The following SLC7A14 variants were observed in gnomAD, a reference collection of about 807,000 sequenced individuals.
SLC7A14 encodes the protein solute carrier family 7 member 14.
A neutral mutation model predicts 60.2 loss-of-function variants in SLC7A14; 37 were observed. The ratio of observed to expected loss-of-function variants is 0.61; its 90% CI spans 0.47 to 0.81. The LOEUF is 0.81. Among genes scored for constraint, SLC7A14 ranks in the 30% least tolerant of loss-of-function variants. The pLI is 0.00. For synonymous variants in SLC7A14, 399 were observed against 395.8 expected (o/e 1.01, Z -0.10); for missense variants, 886 against 982.7 (o/e 0.90, Z 1.32).
intron 1 of SLC7A14, among the ~76,000 whole-genome samples, chr3:170,577,180 C>T (rs79917206): frequency 6.6e-6 from 1 of 152,308 alleles, no homozygotes; most frequent in Non-Finnish European, 1.5e-5. Context: ...AGATCTATTA[C>T]CCCTATTTTA....
chr3:170,494,090 A>C (rs1449452443), intron 4 of SLC7A14, among the ~76,000 whole-genome samples: 1 of 152,226 alleles, frequency 6.6e-6, no homozygotes, highest in Admixed American at 6.5e-5. Context: ...TCCCAAACCC[A>C]GGTGGCAGTG....
chr3:170,554,125 G>GA (rs904616138), intron 1 of SLC7A14, among the ~76,000 whole-genome samples: 22 of 149,756 alleles, frequency 1.5e-4, no homozygotes, highest in East Asian at 7.8e-4. Flanking sequence ...AGCTAAAAAA[G>GA]AAAAAAAAAT....
intron 1 of SLC7A14, among the ~76,000 whole-genome samples, chr3:170,557,876 T>C (rs927249572): frequency 6.6e-6 from 1 of 152,156 alleles, no homozygotes; most frequent in Non-Finnish European, 1.5e-5. Context: ...CACTGAATAG[T>C]TTAGTGATCT....
At chr3:170,512,616 G>A (rs186322683) in intron 2 of SLC7A14, among the ~76,000 whole-genome samples, 17 of 148,560 alleles carry the variant, frequency 1.1e-4, no homozygotes, top group South Asian at 6.4e-4. Flanking sequence ...AACTCTAGGC[G>A]GATTCAGCCT....
intron 7 of SLC7A14, among the ~76,000 whole-genome samples, chr3:170,477,472 CA>C: frequency 6.6e-6 from 1 of 152,360 alleles, no homozygotes; most frequent in Middle Eastern, 3.4e-3. Context: ...TCAGTTTCCT[CA>C]TCTGTAAAAT....
chr3:170,509,438 T>C (rs770198424), intron 2 of SLC7A14, among the ~76,000 whole-genome samples: 3 of 152,120 alleles, frequency 2.0e-5, no homozygotes, highest in Non-Finnish European at 4.4e-5. Context: ...TATAAACAGG[T>C]AGGAAATAAG....
chr3:170,556,102 G>T (rs1386887623), intron 1 of SLC7A14, among the ~76,000 whole-genome samples: 1 of 151,250 alleles, frequency 6.6e-6, no homozygotes, highest in Non-Finnish European at 1.5e-5. Context: ...CTAAAATATG[G>T]TTTACCTCCC....
At position 170,481,007 on chromosome 3, in the gene SLC7A14, A is replaced by G. The variant is rs370569112; in HGVS notation, c.1275T>C (p.Cys425=). 2.0e-5 allele frequency: 33 copies of G among 1,614,150 alleles called. No individual in the cohort carries two copies. The highest frequency in any genetic ancestry group is 2.7e-5 in the Non-Finnish European group (32 of 1,180,020). Residue 425 remains cysteine (C), a synonymous_variant, in exon 7 of 8, where the codon TGT becomes TGC. Transcript: ENST00000231706. The part of the protein sequence containing the change: ...TLLAYTLVSV[C]VLLLRYQPES... ...CAGGTTGGTATCGAAGGAGCAAGAC[A>G]CAGACAGAGACCAAGGTGTAGGCCA...
chr3:170,517,914 C>T (rs1347616524), intron 2 of SLC7A14, among the ~76,000 whole-genome samples: 1 of 152,184 alleles, frequency 6.6e-6, no homozygotes, highest in Non-Finnish European at 1.5e-5. Flanking sequence ...CCTTCATTGC[C>T]TTTTAGACCC....
chr3:170,519,004 A>T (rs11718780), intron 2 of SLC7A14, among the ~76,000 whole-genome samples: 16,326 of 152,208 alleles, frequency 0.11, 1,303 homozygotes, highest in African/African-American at 0.22. Context: ...TCTATGGCAC[A>T]CACAATCTTG....
Position 170,483,382 on chromosome 3 carries a change from GCTGA to G in SLC7A14, c.1043_1046del (p.Val348AlafsTer56). 1.2e-6 allele frequency: 2 copies of G among 1,614,202 alleles called. No homozygotes were observed. The highest frequency in any genetic ancestry group is 8.5e-7 in the Non-Finnish European group (1 of 1,180,048). ...GCATCGGGAAGAGGGACCCCAGCAA[GCTGA>G]CTGTCAGTCCTGCAACCGACCCAAT... On this transcript the variant is annotated frameshift_variant, in exon 6 of 8. Transcript: ENST00000231706. LOFTEE classifies it high-confidence loss of function.
Position 170,533,589 on chromosome 3 carries a change from T to C in SLC7A14, c.-152-6501A>G, listed in dbSNP as rs373020726. On this transcript the variant is annotated intron_variant, in intron 1 of 7. Transcript: ENST00000231706. The stretch of plus-strand genomic sequence containing the variant: ...TTCTTGAATAGGCTGCAGCTTATCA[T>C]GGTTGACACTTTTGGACCATGACAG... 1.5e-4 allele frequency among the ~76,000 whole-genome samples: 23 copies of C among 152,308 alleles called. No homozygotes were observed. In the East Asian group the frequency reaches 3.7e-3, roughly 24 times the overall value.
At chr3:170,540,056 G>A (rs910668792) in intron 1 of SLC7A14, among the ~76,000 whole-genome samples, 2 of 152,108 alleles carry the variant, frequency 1.3e-5, no homozygotes, top group African/African-American at 4.8e-5. Context: ...ACTAAGTGGC[G>A]GGGTGGGGGG....
chr3:170,490,836 T>A (rs1300569351), intron 4 of SLC7A14, among the ~76,000 whole-genome samples: 1 of 152,218 alleles, frequency 6.6e-6, no homozygotes, highest in African/African-American at 2.4e-5. Flanking sequence ...TAGCTCATAG[T>A]GTTGTTACAA....
intron 5 of SLC7A14, among the ~76,000 whole-genome samples, chr3:170,485,183 G>A (rs963221784): frequency 6.6e-6 from 1 of 152,172 alleles, no homozygotes; most frequent in African/African-American, 2.4e-5. Context: ...CTAGTGGGAG[G>A]TGATAATTGA....
intron 7 of SLC7A14, among the ~76,000 whole-genome samples, chr3:170,479,586 G>A (rs1577498576): frequency 6.6e-6 from 1 of 152,178 alleles, no homozygotes; most frequent in East Asian, 1.9e-4. Context: ...GTAGACAATT[G>A]AGGACCTAAC....
At chr3:170,576,261 T>C (rs1715087578) in intron 1 of SLC7A14, among the ~76,000 whole-genome samples, 1 of 152,224 alleles carries the variant, frequency 6.6e-6, no homozygotes, top group African/African-American at 2.4e-5. Flanking sequence ...GCAGGGATTA[T>C]GTCTCATATC....
intron 1 of SLC7A14, among the ~76,000 whole-genome samples, chr3:170,530,387 C>G (rs1054373465): frequency 6.6e-6 from 1 of 152,236 alleles, no homozygotes; most frequent in Middle Eastern, 3.4e-3. Context: ...ATTAAATCCT[C>G]ACAACATATC....
chr3:170,545,554 G>C (rs1011206292), intron 1 of SLC7A14, among the ~76,000 whole-genome samples: 1 of 152,108 alleles, frequency 6.6e-6, no homozygotes, highest in African/African-American at 2.4e-5. Context: ...ACATCCTTAA[G>C]ACCTTATCCC....
Sources: allele counts gnomAD v4.1 joint callset (sites outside exome capture counted in the v4.1 genomes callset), GRCh38; gene constraint gnomAD v4.1.1; transcripts MANE v1.5; gene names NCBI Gene and HGNC (gene_info 2026-07-23, HGNC 2026-07-21).